The following TNIP3 variants were observed in gnomAD, a reference collection of about 807,000 sequenced individuals.
The protein encoded by TNIP3 is TNFAIP3-interacting protein 3.
Under a neutral mutation model 54.1 loss-of-function variants are expected in TNIP3, and 34 were observed. The ratio of observed to expected loss-of-function variants is 0.63; its 90% CI spans 0.48 to 0.84. The LOEUF (loss-of-function observed/expected upper bound fraction) is 0.84. Ranked by LOEUF, TNIP3 falls within the 40% of genes least tolerant of loss-of-function variation. The pLI is 0.00. For missense variants in TNIP3, 366 were observed against 387.6 expected (o/e 0.94, Z 0.47); for synonymous variants, 134 against 136.8 (o/e 0.98, Z 0.14).
chr4:121,218,803 TCTC>T (rs1436420625), upstream of TNIP3, among the ~76,000 whole-genome samples: 1 of 151,896 alleles, frequency 6.6e-6, no homozygotes. Flanking sequence ...CTCAAGCAAT[TCTC>T]CTCCCTCAGC....
rs10561132 is a variant in TNIP3 at position 121,132,213 on chromosome 4, A to AAC, written c.*416_*417dup. On this transcript the variant is annotated 3_prime_UTR_variant, in exon 11 of 11. Transcript: ENST00000057513. ...AACTGCAGAAATTTTTACCCCAGGA[A>AAC]ACACACACACACACACACACACACA... is the stretch of plus-strand genomic sequence containing the variant. The AAC allele has an allele frequency of 0.11, 16,680 of 146,882 alleles. 1,024 individuals carry two copies. Among genetic ancestry groups the AAC allele is most frequent in the Middle Eastern group, 0.18 (54 of 304 alleles). 9.1% of individuals were successfully genotyped at this position (146,882 alleles called of 1,614,324 possible).
rs1237837003 is a variant in TNIP3, at chr4:121,181,622, CAGGTGTGT to C, written c.189+1046_189+1053del. ...AAGTGAAGAGGGTAAGTTAATAAGA[CAGGTGTGT>C]GTGTGTGTGTGTGTGTGTGTGTGTG... On this transcript the variant is annotated intron_variant, in intron 3 of 12. Transcript: ENST00000507879. 5.6e-4 allele frequency among the ~76,000 whole-genome samples: 44 copies of C among 77,994 alleles called. 1 individual carries two copies. The highest frequency in any genetic ancestry group is 2.3e-3 in the African/African-American group (42 of 18,178). The allele number at this position is 77,994 out of a possible 152,430, so 51.2% of individuals were successfully genotyped here.
At chr4:121,220,394 T>G (rs1726979797), upstream of TNIP3, among the ~76,000 whole-genome samples, 2 of 152,212 alleles carry the variant, frequency 1.3e-5, no homozygotes, top group Non-Finnish European at 2.9e-5. Context: ...CCTTGGTGAA[T>G]TCTAGTTTTG....
intron 3 of TNIP3, among the ~76,000 whole-genome samples, chr4:121,179,206 T>C (rs1724540266): frequency 1.3e-5 from 2 of 152,180 alleles, no homozygotes; most frequent in Admixed American, 1.3e-4. Flanking sequence ...CTTTGGGAAA[T>C]AGCAGAATGT....
chr4:121,145,824 T>C (rs1434946991), intron 7 of TNIP3, among the ~76,000 whole-genome samples: 1 of 151,742 alleles, frequency 6.6e-6, no homozygotes, highest in African/African-American at 2.4e-5. Flanking sequence ...GTTGGGCATG[T>C]AAGAAACACA....
intron 2 of TNIP3, among the ~76,000 whole-genome samples, chr4:121,210,412 G>C (rs1726416764): frequency 6.6e-6 from 1 of 152,126 alleles, no homozygotes; most frequent in South Asian, 2.1e-4. Context: ...ATGTTTATTA[G>C]ATATTAATAG....
chr4:121,151,507 G>T (rs1475210388), intron 5 of TNIP3, among the ~76,000 whole-genome samples: 1 of 152,096 alleles, frequency 6.6e-6, no homozygotes, highest in Non-Finnish European at 1.5e-5. Flanking sequence ...CCTTCAGGGA[G>T]AATTTAAAGA....
chr4:121,206,386 G>T (rs899628107), intron 2 of TNIP3, among the ~76,000 whole-genome samples: 3 of 151,924 alleles, frequency 2.0e-5, no homozygotes, highest in Admixed American at 1.3e-4. Context: ...CCTGATCCTC[G>T]GTTAAGTTAA....
chr4:121,218,757 C>G (rs1301208100), upstream of TNIP3, among the ~76,000 whole-genome samples: 2 of 131,472 alleles, frequency 1.5e-5, no homozygotes, highest in African/African-American at 3.8e-5. Context: ...AAGCAATTCC[C>G]CTCCCTCAGG....
intron 3 of TNIP3, among the ~76,000 whole-genome samples, chr4:121,170,560 A>G (rs990319978): frequency 1.3e-5 from 2 of 152,122 alleles, no homozygotes; most frequent in African/African-American, 4.8e-5. Flanking sequence ...AATAGTCTTT[A>G]GCCTTCATAC....
At chr4:121,137,612 T>C (rs1479400192) in intron 10 of TNIP3, 1 of 210,980 alleles carries the variant, frequency 4.7e-6, no homozygotes, top group African/African-American at 2.3e-5. Flanking sequence ...TAGAGTACCA[T>C]GATGAGCCCC....
intron 3 of TNIP3, among the ~76,000 whole-genome samples, chr4:121,177,443 T>C (rs1724426875): frequency 6.6e-6 from 1 of 152,248 alleles, no homozygotes; most frequent in Admixed American, 6.5e-5. Context: ...AGTCAGTCTG[T>C]TCATTTCTCT....
chr4:121,210,543 A>G (rs1387120314), intron 2 of TNIP3, among the ~76,000 whole-genome samples: 2 of 152,230 alleles, frequency 1.3e-5, no homozygotes, highest in South Asian at 2.1e-4. Flanking sequence ...TTGAGTTGCC[A>G]TAAGGAAACA....
intron 1 of TNIP3, 135 bp downstream of exon 1, chr4:121,163,924 TA>T: frequency 9.8e-7 from 1 of 1,018,720 alleles, no homozygotes; most frequent in Non-Finnish European, 1.3e-6. Context: ...TAATTTTGGT[TA>T]AAAATATAGA....
chr4:121,223,446 A>G (rs1399987836), intron 1 of TNIP3, among the ~76,000 whole-genome samples: 2 of 152,250 alleles, frequency 1.3e-5, no homozygotes, highest in Non-Finnish European at 2.9e-5. Context: ...CATTATTTCC[A>G]TGGTAAAGTA....
chr4:121,160,337 G>A (rs1730370484), intron 2 of TNIP3, among the ~76,000 whole-genome samples: 1 of 152,032 alleles, frequency 6.6e-6, no homozygotes, highest in Admixed American at 6.6e-5. Flanking sequence ...ATATTAGCTG[G>A]GCATGGTCGT....
intron 3 of TNIP3, among the ~76,000 whole-genome samples, chr4:121,181,290 G>A (rs1724683515): frequency 6.6e-6 from 1 of 152,160 alleles, no homozygotes; most frequent in Non-Finnish European, 1.5e-5. Context: ...TCTTTCTGAG[G>A]TTAGACAAGA....
chr4:121,141,279 AT>A (rs1270794349), intron 9 of TNIP3, among the ~76,000 whole-genome samples: 2 of 152,156 alleles, frequency 1.3e-5, no homozygotes, highest in Admixed American at 1.3e-4. Context: ...CTCACAAATA[AT>A]TGCTCAACTC....
intron 5 of TNIP3, among the ~76,000 whole-genome samples, chr4:121,150,691 G>A (rs560526899): frequency 1.3e-5 from 2 of 152,326 alleles, no homozygotes; most frequent in African/African-American, 4.8e-5. Flanking sequence ...AGAAGCTGGT[G>A]CTGCTGGTCC....
Sources: gnomAD v4.1 joint callset for allele counts (sites outside exome capture counted in the v4.1 genomes callset) on GRCh38, gnomAD v4.1.1 for gene constraint, MANE v1.5 for transcripts, NCBI Gene and HGNC (gene_info 2026-07-23, HGNC 2026-07-21) for gene names.